The following CDK14 variants were observed in gnomAD, a reference collection of about 807,000 sequenced individuals.
CDK14 encodes the protein cyclin dependent kinase 14, also known as cyclin-dependent kinase 14.
Under a neutral mutation model 60.7 loss-of-function variants are expected in CDK14, and 34 were observed. The ratio of observed to expected loss-of-function variants is 0.56; its 90% CI spans 0.43 to 0.75. The LOEUF (loss-of-function observed/expected upper bound fraction) is 0.75. Ranked by LOEUF, CDK14 falls within the 30% of genes least tolerant of loss-of-function variation. The pLI is 0.00. For missense variants in CDK14, 482 were observed against 564.1 expected (o/e 0.85, Z 1.47); for synonymous variants, 197 against 203.7 (o/e 0.97, Z 0.28).
intron 8 of CDK14, among the ~76,000 whole-genome samples, chr7:90,948,229 A>G (rs1401617872): frequency 6.6e-6 from 1 of 152,208 alleles, no homozygotes; most frequent in South Asian, 2.1e-4. Flanking sequence ...GTTGTCATCT[A>G]GCATTGGAAT....
chr7:90,638,488 G>T (rs989262954), intron 2 of CDK14, among the ~76,000 whole-genome samples: 1 of 152,150 alleles, frequency 6.6e-6, no homozygotes, highest in African/African-American at 2.4e-5. Context: ...TAGAGTTTCT[G>T]CCGAGAGATC....
chr7:90,979,895 T>G (rs1373722200), intron 9 of CDK14: 1 of 152,226 alleles, frequency 6.6e-6, no homozygotes, highest in African/African-American at 2.4e-5. Context: ...TTGCATTTGT[T>G]ACCTTTTAAA....
At chr7:90,817,656 T>G (rs1789400618) in intron 5 of CDK14, among the ~76,000 whole-genome samples, 1 of 152,248 alleles carries the variant, frequency 6.6e-6, no homozygotes, top group South Asian at 2.1e-4. Context: ...GGAGCTGGCT[T>G]ATTTAGAATG....
intron 14 of CDK14, among the ~76,000 whole-genome samples, chr7:91,199,643 C>G (rs1802655309): frequency 6.6e-6 from 1 of 152,170 alleles, no homozygotes; most frequent in South Asian, 2.1e-4. Context: ...TATGTTAAGT[C>G]AGTCTTCTCA....
intron 11 of CDK14, among the ~76,000 whole-genome samples, chr7:91,074,364 A>G (rs1476327535): frequency 6.6e-6 from 1 of 152,230 alleles, no homozygotes; most frequent in African/African-American, 2.4e-5. Flanking sequence ...AAACCACACA[A>G]TTACATGGAA....
chr7:90,619,756 G>A (rs1350523828), intron 2 of CDK14, among the ~76,000 whole-genome samples: 1 of 152,242 alleles, frequency 6.6e-6, no homozygotes, highest in Admixed American at 6.5e-5. Context: ...AGCATTTTGG[G>A]AGGACGAGGT....
intron 12 of CDK14, among the ~76,000 whole-genome samples, chr7:91,090,436 G>A (rs1798767855): frequency 6.6e-6 from 1 of 152,098 alleles, no homozygotes; most frequent in Non-Finnish European, 1.5e-5. Flanking sequence ...TTTAAAATGT[G>A]GCTAGTGCAA....
rs562011447 is a variant in CDK14 at position 90,709,241 on chromosome 7, C to T, written c.124-17326C>T. On this transcript the variant is annotated intron_variant, in intron 2 of 14. Transcript: ENST00000380050. ...CATTTGCATATGACAAATATATACA[C>T]GTAGACACCATTTTAGCAGCTTTTG... 199 of 400,092 alleles carry T rather than the reference C, an allele frequency of 5.0e-4. No individual in the cohort carries two copies. In the Middle Eastern group the frequency reaches 5.1e-3, roughly 10 times the overall value. The allele number at this position is 400,092 out of a possible 1,614,324, so 24.8% of individuals were successfully genotyped here. A position where few individuals can be genotyped will look rare whatever the true frequency, so the allele number is the denominator to read the frequency against.
At chr7:91,157,608 T>C (rs1383306112) in intron 14 of CDK14, among the ~76,000 whole-genome samples, 1 of 152,184 alleles carries the variant, frequency 6.6e-6, no homozygotes, top group East Asian at 1.9e-4. Flanking sequence ...CTGACAGGTA[T>C]TAACTTTGTG....
At chr7:90,815,930 A>G (rs918727907) in intron 5 of CDK14, among the ~76,000 whole-genome samples, 5 of 151,942 alleles carry the variant, frequency 3.3e-5, no homozygotes, top group Admixed American at 6.6e-5. Context: ...GATGGGGGGT[A>G]AGGGGAGGGG....
intron 11 of CDK14, among the ~76,000 whole-genome samples, chr7:91,061,561 C>T (rs1017446988): frequency 5.5e-4 from 84 of 152,150 alleles, no homozygotes; most frequent in African/African-American, 1.6e-3. Flanking sequence ...ATGACGATGA[C>T]GTACAGATGG....
chr7:91,060,721 A>T (rs1000804407), intron 11 of CDK14, among the ~76,000 whole-genome samples: 8 of 152,214 alleles, frequency 5.3e-5, no homozygotes, highest in Non-Finnish European at 8.8e-5. Flanking sequence ...AATGTTGAAC[A>T]TTGGCCCCCA....
intron 8 of CDK14, among the ~76,000 whole-genome samples, chr7:90,924,757 G>A (rs557976181): frequency 4.6e-5 from 7 of 151,818 alleles, no homozygotes; most frequent in Non-Finnish European, 8.8e-5. Context: ...AATACCACCA[G>A]TTCAATATTA....
chr7:90,781,958 T>G (rs1330893942), intron 4 of CDK14, among the ~76,000 whole-genome samples: 2 of 152,136 alleles, frequency 1.3e-5, no homozygotes, highest in Admixed American at 6.5e-5. Flanking sequence ...GTGCAGAAAG[T>G]CATTGGTAGC....
intron 9 of CDK14, 149 bp from the exon 10 acceptor site, chr7:90,983,999 C>T (rs1367254996): frequency 1.6e-5 from 10 of 615,984 alleles, no homozygotes; most frequent in Non-Finnish European, 2.6e-5. Flanking sequence ...GCACGTGTAC[C>T]CCTGAATCTA....
intron 5 of CDK14, among the ~76,000 whole-genome samples, chr7:90,830,298 G>A (rs1310125370): frequency 6.6e-6 from 1 of 152,150 alleles, no homozygotes; most frequent in Non-Finnish European, 1.5e-5. Flanking sequence ...AACACCACAT[G>A]GAAGCCTCCA....
rs748496276 is a variant in CDK14, at chr7:90,877,800, G to T, written c.639+14531G>T. Among the ~76,000 whole-genome samples, 24 of 152,172 alleles carry T rather than the reference G, an allele frequency of 1.6e-4. No individual in the cohort carries two copies. In the Middle Eastern group the frequency reaches 0.014, roughly 86 times the overall value. ...TAATAGAATATTTATTAGAGAAAAA[G>T]AAAGGACCAGGGATCTTTAAAAAAA... On this transcript the variant is annotated intron_variant, in intron 6 of 14. Coordinates refer to ENST00000380050, the MANE Select transcript of CDK14 (RefSeq NM_001287135.2).
At chr7:90,957,936 A>G (rs1449271265) in intron 9 of CDK14, among the ~76,000 whole-genome samples, 2 of 152,102 alleles carry the variant, frequency 1.3e-5, no homozygotes, top group African/African-American at 4.8e-5. Context: ...GGCATCGCAC[A>G]TGGCTGTTTT....
At chr7:90,597,752 C>A (rs1396929838) in intron 1 of CDK14, among the ~76,000 whole-genome samples, 1 of 151,836 alleles carries the variant, frequency 6.6e-6, no homozygotes, top group Non-Finnish European at 1.5e-5. Context: ...ATGAGTGTTA[C>A]AGATATCCTT....
Sources: gnomAD v4.1 joint callset for allele counts (sites outside exome capture counted in the v4.1 genomes callset) on GRCh38, gnomAD v4.1.1 for gene constraint, MANE v1.5 for transcripts, NCBI Gene and HGNC (gene_info 2026-07-23, HGNC 2026-07-21) for gene names.